The following RBFOX3 variants were observed in gnomAD, a reference collection of about 807,000 sequenced individuals.
The protein encoded by RBFOX3 is RNA binding fox-1 homolog 3, also known as RNA binding protein fox-1 homolog 3.
RBFOX3 carries 17 observed loss-of-function variants against 48.7 expected under a neutral mutation model. That is an observed-to-expected ratio of 0.35 (90% confidence interval 0.24 to 0.52). The LOEUF (loss-of-function observed/expected upper bound fraction) is 0.52. Among genes scored for constraint, RBFOX3 ranks in the 20% least tolerant of loss-of-function variants. The pLI, the probability that RBFOX3 is intolerant of heterozygous loss-of-function variation, is 0.94. For synonymous variants in RBFOX3, 212 were observed against 209.5 expected, an observed-to-expected ratio of 1.01 and a Z score of -0.10; for missense variants, 382 against 497.5, an observed-to-expected ratio of 0.77 and a Z score of 2.21.
intron 10 of RBFOX3, 89 bp downstream of exon 10, chr17:79,097,603 G>GCCC: frequency 1.8e-6 from 1 of 545,950 alleles, no homozygotes. Flanking sequence ...ACCTGGCCCC[G>GCCC]CCCCTCATGC....
chr17:79,405,100 G>T (rs539730979), intron 2 of RBFOX3, among the ~76,000 whole-genome samples: 21 of 152,194 alleles, frequency 1.4e-4, no homozygotes, highest in African/African-American at 5.1e-4. Context: ...AGCCCTTTAC[G>T]TATTCATCTT....
chr17:79,339,644 T>C (rs1204345423), intron 2 of RBFOX3, among the ~76,000 whole-genome samples: 1 of 152,214 alleles, frequency 6.6e-6, no homozygotes, highest in Non-Finnish European at 1.5e-5. Flanking sequence ...AAGAAGGTTC[T>C]GAGCCTGCCG....
chr17:79,160,083 C>G (rs572142431), intron 4 of RBFOX3, among the ~76,000 whole-genome samples: 8 of 152,346 alleles, frequency 5.3e-5, no homozygotes, highest in South Asian at 2.1e-4. Flanking sequence ...ACGCTCCGCT[C>G]GAGTAGTAAG....
chr17:79,572,815 T>C (rs1294294496), intron 1 of RBFOX3, among the ~76,000 whole-genome samples: 1 of 152,166 alleles, frequency 6.6e-6, no homozygotes, highest in Non-Finnish European at 1.5e-5. Context: ...ATGGCCACGC[T>C]GCAGGGACGC....
chr17:79,267,167 G>A (rs1885270221), intron 3 of RBFOX3, among the ~76,000 whole-genome samples: 1 of 151,970 alleles, frequency 6.6e-6, no homozygotes. Context: ...ACCCACTTGG[G>A]GTGGGGGCAA....
At chr17:79,512,081 A>G (rs878906196) in intron 1 of RBFOX3, among the ~76,000 whole-genome samples, 1 of 98,190 alleles carries the variant, frequency 1.0e-5, no homozygotes. Flanking sequence ...CCGGATACAT[A>G]TTACCATCGA....
At chr17:79,335,008 G>A (rs2080974249) in intron 2 of RBFOX3, among the ~76,000 whole-genome samples, 1 of 152,206 alleles carries the variant, frequency 6.6e-6, no homozygotes, top group Admixed American at 6.5e-5. Context: ...TCTGAAACCT[G>A]GCTCAGATGC....
At chr17:79,496,585 G>A (rs899814332) in intron 1 of RBFOX3, among the ~76,000 whole-genome samples, 4 of 152,198 alleles carry the variant, frequency 2.6e-5, no homozygotes, top group East Asian at 3.9e-4. Context: ...GGCCCTGGCG[G>A]GGCTTGGCTT....
chr17:79,107,984 G>A (rs541214688), intron 5 of RBFOX3, among the ~76,000 whole-genome samples: 2 of 152,218 alleles, frequency 1.3e-5, no homozygotes, highest in African/African-American at 2.4e-5. Flanking sequence ...GGAACAGCAG[G>A]CTGACAATGT....
At chr17:79,406,427 T>G (rs1292725607) in intron 2 of RBFOX3, among the ~76,000 whole-genome samples, 1 of 152,074 alleles carries the variant, frequency 6.6e-6, no homozygotes, top group Non-Finnish European at 1.5e-5. Context: ...TGCAACACCC[T>G]CCACTCCGTG....
intron 1 of RBFOX3, among the ~76,000 whole-genome samples, chr17:79,505,871 T>C (rs1331312509): frequency 1.3e-5 from 2 of 152,212 alleles, no homozygotes; most frequent in Non-Finnish European, 2.9e-5. Flanking sequence ...CATATTTCAC[T>C]GAATCCAGGC....
In RBFOX3 at chr17:79,570,200, GTAGA is replaced by G. The variant is rs1157289787; in HGVS notation, c.-320+40622_-320+40625del. Among the ~76,000 whole-genome samples, 111 of 150,986 alleles carry G rather than the reference GTAGA, an allele frequency of 7.4e-4. 3 individuals carry two copies. Among genetic ancestry groups the G allele is most frequent in the African/African-American group, 2.6e-3 (106 of 41,110 alleles). ...TGGATAGGTGGATTATAGATGGATA[GTAGA>G]TGGATGGATGGATAGATGAATTATA... On this transcript the variant is annotated intron_variant, in intron 1 of 14. Transcript: ENST00000693108.
chr17:79,457,620 G>A (rs529270884), intron 2 of RBFOX3, among the ~76,000 whole-genome samples: 104 of 152,342 alleles, frequency 6.8e-4, no homozygotes, highest in African/African-American at 2.5e-3. Flanking sequence ...CAGTGGCAGT[G>A]TGGCAGCACA....
At chr17:79,260,980 T>C (rs2065662977) in intron 3 of RBFOX3, among the ~76,000 whole-genome samples, 1 of 152,082 alleles carries the variant, frequency 6.6e-6, no homozygotes. Flanking sequence ...CTACCATCCA[T>C]GTGTTTCCCT....
intron 2 of RBFOX3, among the ~76,000 whole-genome samples, chr17:79,335,993 G>A (rs1007766153): frequency 2.0e-5 from 3 of 152,280 alleles, no homozygotes; most frequent in South Asian, 2.1e-4. Context: ...TGCCTGCGCC[G>A]CTTCGTAGAC....
rs544837341 is a variant in RBFOX3 at position 79,540,906 on chromosome 17, G to A, written c.-319-58308C>T. 1.8e-4 allele frequency among the ~76,000 whole-genome samples: 27 copies of A among 152,248 alleles called. No homozygotes were observed. In the East Asian group the frequency reaches 4.2e-3, roughly 24 times the overall value. ...TTCAGAGCATCTCAGCCAGAGACAC[G>A]GGGCCACTAGCTGCAAGAAAGTTCC... On this transcript the variant is annotated intron_variant, in intron 1 of 14. Coordinates refer to ENST00000693108, the MANE Select transcript of RBFOX3 (RefSeq NM_001350451.2).
At chr17:79,590,891 T>C (rs965664112) in intron 1 of RBFOX3, among the ~76,000 whole-genome samples, 7 of 151,944 alleles carry the variant, frequency 4.6e-5, no homozygotes, top group African/African-American at 1.5e-4. Context: ...CCACCCCAAA[T>C]CTCAAAGAAA....
chr17:79,493,448 C>T (rs2080992052), intron 1 of RBFOX3, among the ~76,000 whole-genome samples: 1 of 152,124 alleles, frequency 6.6e-6, no homozygotes, highest in Non-Finnish European at 1.5e-5. Context: ...CAAGTTCTCC[C>T]CCTACCCTGT....
intron 4 of RBFOX3, among the ~76,000 whole-genome samples, chr17:79,140,980 GC>G (rs2041805626): frequency 6.6e-6 from 1 of 152,196 alleles, no homozygotes; most frequent in South Asian, 2.1e-4. Flanking sequence ...GACAGAGGCA[GC>G]CCGGGTGGCT....
Sources: allele counts gnomAD v4.1 joint callset (sites outside exome capture counted in the v4.1 genomes callset), GRCh38; gene constraint gnomAD v4.1.1; transcripts MANE v1.5; gene names NCBI Gene and HGNC (gene_info 2026-07-23, HGNC 2026-07-21).